HEMK2: variants seen among roughly 807,000 people sequenced by gnomAD.
HEMK2 encodes the protein HemK methyltransferase 2, ETF1 glutamine and histone H4 lysine, also known as methyltransferase HEMK2.
the HEMK2 span, among the ~76,000 whole-genome samples, chr21:28,801,012 G>A: frequency 5.9e-5 from 9 of 152,322 alleles, no homozygotes; most frequent in Admixed American, 1.3e-4. Context: ...AGAGGTTTAC[G>A]GGTCAGGACA....
At chr21:28,635,101 C>CTTTTTTTT in the HEMK2 span, among the ~76,000 whole-genome samples, 3 of 142,900 alleles carry the variant, frequency 2.1e-5, no homozygotes, top group Non-Finnish European at 4.6e-5. Context: ...ATGTCCTCAT[C>CTTTTTTTT]TTTTTTTTTT....
At chr21:28,879,343 C>T in the HEMK2 span, among the ~76,000 whole-genome samples, 2 of 152,246 alleles carry the variant, frequency 1.3e-5, no homozygotes, top group Middle Eastern at 3.4e-3. Flanking sequence ...CCAGGGTTAA[C>T]GCCATTCTCC....
At chr21:28,635,381 T>C in the HEMK2 span, among the ~76,000 whole-genome samples, 1 of 152,062 alleles carries the variant, frequency 6.6e-6, no homozygotes, top group African/African-American at 2.4e-5. Flanking sequence ...GGATTACAGG[T>C]ATCCTCATCT....
At chr21:28,835,511 C>T in the HEMK2 span, among the ~76,000 whole-genome samples, 2 of 152,116 alleles carry the variant, frequency 1.3e-5, no homozygotes, top group Admixed American at 6.5e-5. Context: ...TAGACCTTCC[C>T]TTTGACAGAG....
the HEMK2 span, among the ~76,000 whole-genome samples, chr21:28,668,427 C>G: frequency 6.6e-6 from 1 of 152,108 alleles, no homozygotes; most frequent in Admixed American, 6.6e-5. Context: ...CTTATAACAT[C>G]GCTCAAAGGC....
the HEMK2 span, among the ~76,000 whole-genome samples, chr21:28,719,337 G>T: frequency 6.6e-6 from 1 of 152,118 alleles, no homozygotes; most frequent in South Asian, 2.1e-4. Flanking sequence ...CAAGGGTGGG[G>T]CCAGGTGGAG....
chr21:28,776,799 G>A, the HEMK2 span, among the ~76,000 whole-genome samples: 1 of 152,172 alleles, frequency 6.6e-6, no homozygotes, highest in Non-Finnish European at 1.5e-5. Flanking sequence ...CACGGGAGAA[G>A]GATGAAGGCT....
the HEMK2 span, among the ~76,000 whole-genome samples, chr21:28,862,059 T>A: frequency 6.6e-6 from 1 of 152,140 alleles, no homozygotes; most frequent in East Asian, 1.9e-4. Context: ...GGAGTTACAG[T>A]GTTGGTTGGG....
chr21:28,734,649 G>C, the HEMK2 span, among the ~76,000 whole-genome samples: 66 of 152,276 alleles, frequency 4.3e-4, no homozygotes, highest in Admixed American at 7.2e-4. Context: ...GCTTTGATCA[G>C]CTCTGTGACG....
chr21:28,808,131 C>T, the HEMK2 span, among the ~76,000 whole-genome samples: 163 of 152,134 alleles, frequency 1.1e-3, 1 homozygote, highest in African/African-American at 3.6e-3. Flanking sequence ...TCATGGGCCC[C>T]AACAAAAGGG....
At chr21:28,742,783 C>T in the HEMK2 span, among the ~76,000 whole-genome samples, 19 of 151,992 alleles carry the variant, frequency 1.3e-4, no homozygotes, top group Non-Finnish European at 4.4e-5. Context: ...AATATTTTCA[C>T]CCAAACACCA....
the HEMK2 span, among the ~76,000 whole-genome samples, chr21:28,654,606 AAC>A: frequency 3.2e-3 from 482 of 152,228 alleles, 1 homozygote; most frequent in African/African-American, 0.011. Context: ...AAAAAAATAA[AAC>A]ACACATTTTA....
At chr21:28,724,197 A>G in the HEMK2 span, among the ~76,000 whole-genome samples, 1 of 152,170 alleles carries the variant, frequency 6.6e-6, no homozygotes, top group Non-Finnish European at 1.5e-5. Flanking sequence ...GGTTTTCTTC[A>G]TTTATGGCTA....
the HEMK2 span, among the ~76,000 whole-genome samples, chr21:28,623,045 G>A: frequency 6.6e-6 from 1 of 152,050 alleles, no homozygotes; most frequent in Non-Finnish European, 1.5e-5. Flanking sequence ...GAGTGAAGAG[G>A]CAACCTACAG....
At chr21:28,727,960 C>T in the HEMK2 span, among the ~76,000 whole-genome samples, 2 of 152,290 alleles carry the variant, frequency 1.3e-5, no homozygotes, top group East Asian at 3.9e-4. Flanking sequence ...CAGTCTGCTG[C>T]TATTTAATTA....
the HEMK2 span, among the ~76,000 whole-genome samples, chr21:28,876,921 A>G: frequency 6.6e-6 from 1 of 150,736 alleles, no homozygotes; most frequent in African/African-American, 2.4e-5. Flanking sequence ...TCTTTCAGGC[A>G]TATTGAAAAA....
At chr21:28,613,783 GA>G in the HEMK2 span, among the ~76,000 whole-genome samples, 6 of 149,276 alleles carry the variant, frequency 4.0e-5, no homozygotes, top group Non-Finnish European at 7.4e-5. Context: ...TGTTTTAAAA[GA>G]AAAAAAAAGA....
chr21:28,617,682 T>C, the HEMK2 span, among the ~76,000 whole-genome samples: 1 of 152,154 alleles, frequency 6.6e-6, no homozygotes, highest in Non-Finnish European at 1.5e-5. Flanking sequence ...CTGGACAAAA[T>C]AATATTTCTA....
the HEMK2 span, among the ~76,000 whole-genome samples, chr21:28,777,883 C>T: frequency 1.3e-5 from 2 of 152,046 alleles, no homozygotes; most frequent in Non-Finnish European, 2.9e-5. Context: ...AGAAAATTTC[C>T]TAAATTTAAA....
Sources: gnomAD v4.1 joint callset for allele counts (sites outside exome capture counted in the v4.1 genomes callset) on GRCh38, gnomAD v4.1.1 for gene constraint, MANE v1.5 for transcripts, NCBI Gene and HGNC (gene_info 2026-07-23, HGNC 2026-07-21) for gene names.